The following FAM53A variants were observed in gnomAD, a reference collection of about 807,000 sequenced individuals.
FAM53A encodes the protein family with sequence similarity 53 member A.
Under a neutral mutation model 26.6 loss-of-function variants are expected in FAM53A, and 28 were observed. That is an observed-to-expected ratio of 1.05 (90% CI 0.78 to 1.45). The LOEUF (loss-of-function observed/expected upper bound fraction) is 1.45, where lower values mean the gene tolerates loss of function less well. Ranked by LOEUF, FAM53A falls within the 40% of genes most tolerant of loss-of-function variation. The pLI is 0.00. For missense variants in FAM53A, 650 were observed against 575.8 expected, an observed-to-expected ratio of 1.13 and a Z score of -1.32; for synonymous variants, 290 against 253.1, an observed-to-expected ratio of 1.15 and a Z score of -1.38.
intron 1 of FAM53A, among the ~76,000 whole-genome samples, chr4:1,677,381 C>G (rs1396428968): frequency 2.6e-5 from 4 of 152,220 alleles, no homozygotes; most frequent in African/African-American, 9.6e-5. Flanking sequence ...GTTCTAGGAT[C>G]TATCCTCCGC....
At chr4:1,583,023 G>A in the FAM53A span, among the ~76,000 whole-genome samples, 4 of 152,246 alleles carry the variant, frequency 2.6e-5, no homozygotes, top group African/African-American at 9.6e-5. Context: ...GAACCTGGGT[G>A]ATAGGGCAAA....
At chr4:1,631,094 CA>C (rs1715592328) in intron 1 of FAM53A, among the ~76,000 whole-genome samples, 1 of 152,166 alleles carries the variant, frequency 6.6e-6, no homozygotes, top group Non-Finnish European at 1.5e-5. Context: ...ACAATAAAAA[CA>C]ATGTTTCCAA....
the FAM53A span, among the ~76,000 whole-genome samples, chr4:1,605,773 G>A: frequency 6.6e-6 from 1 of 152,114 alleles, no homozygotes; most frequent in African/African-American, 2.4e-5. This position sits in a 1 kb window ranked among gnomAD's most constrained non-coding sequence, Gnocchi z 5.7. Context: ...CCCTGGGGCG[G>A]GCACAGCTTT....
intron 2 of FAM53A, among the ~76,000 whole-genome samples, chr4:1,663,337 T>C (rs1327430997): frequency 6.6e-6 from 1 of 152,176 alleles, no homozygotes; most frequent in African/African-American, 2.4e-5. Flanking sequence ...ACGACTAGGT[T>C]TGCACCCAAA....
the FAM53A span, among the ~76,000 whole-genome samples, chr4:1,577,934 G>T: frequency 6.6e-6 from 1 of 151,952 alleles, no homozygotes; most frequent in Non-Finnish European, 1.5e-5. Flanking sequence ...GGGCTGCGGG[G>T]GTGCAGGTGG....
downstream of FAM53A, among the ~76,000 whole-genome samples, chr4:1,615,545 C>T (rs558296782): frequency 6.7e-6 from 1 of 149,678 alleles, no homozygotes; most frequent in African/African-American, 2.5e-5. Flanking sequence ...CACCTGGGCA[C>T]ACATGGAAGA....
chr4:1,614,168 G>T (rs1474758363), downstream of FAM53A, among the ~76,000 whole-genome samples: 3 of 152,176 alleles, frequency 2.0e-5, no homozygotes, highest in Non-Finnish European at 4.4e-5. Context: ...AGGACAGGAG[G>T]ATTGGGGCCT....
Position 1,659,414 on chromosome 4 carries a change from A to T in FAM53A, c.76-1946T>A, listed in dbSNP as rs752296808. ...CGTTCCCCGGGGCCACATGAACAGC[A>T]CCCAGCTCGACGCTGCCACGGAAAA... On this transcript the variant is annotated intron_variant, in intron 2 of 4. Coordinates refer to ENST00000308132, the MANE Select transcript of FAM53A (RefSeq NM_001174070.3). This position sits in a 1 kb window ranked among gnomAD's most constrained non-coding sequence, Gnocchi z 5.2. Among the ~76,000 whole-genome samples, 19 of 152,164 alleles carry T rather than the reference A, an allele frequency of 1.2e-4. No individual in the cohort carries two copies. The highest frequency in any genetic ancestry group is 2.5e-4 in the Non-Finnish European group (17 of 68,028).
the FAM53A span, among the ~76,000 whole-genome samples, chr4:1,583,390 C>A: frequency 6.6e-6 from 1 of 152,224 alleles, no homozygotes; most frequent in African/African-American, 2.4e-5. Context: ...AGGCCTAAGG[C>A]CAAAGTCACT....
chr4:1,638,057 G>C (rs973499246), downstream of FAM53A, among the ~76,000 whole-genome samples: 1 of 151,972 alleles, frequency 6.6e-6, no homozygotes, highest in Non-Finnish European at 1.5e-5. Context: ...ACTTCCTGCA[G>C]CTTCAGCAGC....
chr4:1,679,021 T>A (rs1406793883), intron 1 of FAM53A, among the ~76,000 whole-genome samples: 1 of 152,148 alleles, frequency 6.6e-6, no homozygotes, highest in Non-Finnish European at 1.5e-5. Flanking sequence ...AATTGTTATG[T>A]TGAACTTCAT....
the FAM53A span, chr4:1,574,409 AGGG>A: frequency 6.6e-6 from 1 of 152,332 alleles, no homozygotes; most frequent in Non-Finnish European, 1.5e-5. Flanking sequence ...CCCTCCCACC[AGGG>A]TCAAAACCCC....
At chr4:1,589,370 G>C in the FAM53A span, among the ~76,000 whole-genome samples, 1 of 152,034 alleles carries the variant, frequency 6.6e-6, no homozygotes, top group Admixed American at 6.5e-5. Flanking sequence ...ACTTGGGGTT[G>C]GTTGGTTATA....
At chr4:1,597,794 G>A in the FAM53A span, among the ~76,000 whole-genome samples, 13 of 152,220 alleles carry the variant, frequency 8.5e-5, no homozygotes, top group African/African-American at 1.9e-4. Flanking sequence ...TCAGGAGTTC[G>A]AGACCTGCCT....
In FAM53A at chr4:1,684,296, G is replaced by A. The variant is rs1005776898; in HGVS notation, c.-228C>T. The A allele has an allele frequency of 1.8e-4, 27 of 150,920 alleles. No homozygotes were observed. The East Asian group carries it at 4.3e-3, about 24-fold the overall frequency. 9.3% of individuals were successfully genotyped at this position (150,920 alleles called of 1,614,324 possible). Reference sequence around the variant, plus strand: ...CGGCCGCCCAGGCCCCGCTCGCTCAGGGCGACGCGCCTCAGCCGCGGCGGA... The same window carrying A: ...CGGCCGCCCAGGCCCCGCTCGCTCAAGGCGACGCGCCTCAGCCGCGGCGGA... On this transcript the variant is annotated 5_prime_UTR_variant, in exon 1 of 5. Coordinates refer to ENST00000308132, the MANE Select transcript of FAM53A (RefSeq NM_001174070.3).
At chr4:1,610,319 C>T in the FAM53A span, among the ~76,000 whole-genome samples, 2 of 152,134 alleles carry the variant, frequency 1.3e-5, no homozygotes, top group Non-Finnish European at 2.9e-5. Context: ...CCCCAGCTGC[C>T]TGCCGGAAGA....
chr4:1,679,216 C>T (rs1715237170), intron 1 of FAM53A, among the ~76,000 whole-genome samples: 1 of 152,006 alleles, frequency 6.6e-6, no homozygotes, highest in Admixed American at 6.6e-5. Context: ...GAAACCCCAT[C>T]TCTACCAAAA....
At chr4:1,583,675 C>T in the FAM53A span, among the ~76,000 whole-genome samples, 1 of 152,252 alleles carries the variant, frequency 6.6e-6, no homozygotes, top group African/African-American at 2.4e-5. Context: ...TGTGCTCCGC[C>T]TGATACCTGT....
At chr4:1,605,806 C>G in the FAM53A span, among the ~76,000 whole-genome samples, 11 of 152,298 alleles carry the variant, frequency 7.2e-5, 1 homozygote, top group South Asian at 2.3e-3. This position sits in a 1 kb window ranked among gnomAD's most constrained non-coding sequence, Gnocchi z 5.7. Flanking sequence ...CTGGCGCACC[C>G]CTTCTTCCCA....
Sources: allele counts gnomAD v4.1 joint callset (sites outside exome capture counted in the v4.1 genomes callset), GRCh38; gene constraint gnomAD v4.1.1; non-coding constraint Gnocchi (gnomAD v3.1); transcripts MANE v1.5; gene names NCBI Gene and HGNC (gene_info 2026-07-23, HGNC 2026-07-21).